Variants in SLC5A12 observed in about 807,000 individuals in gnomAD.
The protein encoded by SLC5A12 is solute carrier family 5 member 12, also known as sodium-coupled monocarboxylate transporter 2.
In SLC5A12, 46 loss-of-function variants were observed where a neutral mutation model predicts 72.7. That is an observed-to-expected ratio of 0.63 (90% confidence interval 0.50 to 0.81). The LOEUF (loss-of-function observed/expected upper bound fraction) is 0.81. Among genes scored for constraint, SLC5A12 ranks in the 30% least tolerant of loss-of-function variants. The pLI, the probability that SLC5A12 is intolerant of heterozygous loss-of-function variation, is 0.00. For missense variants in SLC5A12, 683 were observed against 740.7 expected (o/e 0.92, Z 0.90); for synonymous variants, 275 against 264.4 (o/e 1.04, Z -0.39).
intron 9 of SLC5A12, among the ~76,000 whole-genome samples, chr11:26,691,146 A>G (rs1029388242): frequency 6.6e-6 from 1 of 152,046 alleles, no homozygotes; most frequent in African/African-American, 2.4e-5. Flanking sequence ...AGCAAAAATA[A>G]TTTTTTACAA....
chr11:26,669,191 C>CTTTTTCTT lies in SLC5A12; in HGVS notation c.*1910_*1911insAAGAAAAA, dbSNP rs10655620. Reference sequence around the variant, plus strand: ...TTTTTCTTTCTTTCTTTCTTCTTTTCTTTCTTTCTTTCTTTCTTTCTTTCT... The same window carrying CTTTTTCTT: ...TTTTTCTTTCTTTCTTTCTTCTTTTCTTTTTCTTTTTCTTTCTTTCTTTCTTTCTTTCT... On this transcript the variant is annotated 3_prime_UTR_variant, in exon 15 of 15. Coordinates refer to ENST00000396005, the MANE Select transcript of SLC5A12 (RefSeq NM_178498.4). 1 of 43,862 alleles carries CTTTTTCTT rather than the reference C, an allele frequency of 2.3e-5. No individual in the cohort carries two copies. The highest frequency in any genetic ancestry group is 1.2e-3 in the South Asian group (1 of 852). 2.7% of individuals were successfully genotyped at this position (43,862 alleles called of 1,614,324 possible).
At chr11:26,687,045 C>T (rs1173634284) in intron 9 of SLC5A12, among the ~76,000 whole-genome samples, 3 of 152,114 alleles carry the variant, frequency 2.0e-5, no homozygotes, top group Non-Finnish European at 4.4e-5. Context: ...TTCCCTTTGG[C>T]GCTTTTTTTT....
rs868770781 is a variant in SLC5A12 at position 26,721,555 on chromosome 11, C to T, written c.160G>A (p.Gly54Ser). 1.1e-5 allele frequency: 18 copies of T among 1,613,972 alleles called. No homozygotes were observed. In the African/African-American group the frequency reaches 1.2e-4, roughly 11 times the overall value. Residue 54 changes from glycine to serine, a missense_variant, in exon 1 of 15, where the codon GGC becomes AGC. Physicochemically the swap from Gly to Ser is moderately conservative, Grantham distance 56 (BLOSUM62 0). Coordinates refer to ENST00000396005, the MANE Select transcript of SLC5A12 (RefSeq NM_178498.4). ...ATGAAGCTGGCTGTCAGAGACAAGC[C>T]GACAGGGCCAAAGCTCATTTGCCTT... ...GGRQMSFGPV[G>S]LSLTASFMSA...
intron 4 of SLC5A12, 96 bp from the exon 5 acceptor site, chr11:26,704,043 GTTT>G: frequency 2.3e-6 from 3 of 1,316,446 alleles, no homozygotes; most frequent in Non-Finnish European, 3.2e-6. Flanking sequence ...GCATTCTTTT[GTTT>G]ATTCAGCATC....
In SLC5A12 at chr11:26,703,450, C is replaced by A. The variant is rs200830755; in HGVS notation, c.821+81G>T. On this transcript the variant is annotated intron_variant, in intron 6 of 14. Coordinates refer to ENST00000396005, the MANE Select transcript of SLC5A12 (RefSeq NM_178498.4). ...TACACACACACACACACACACACCC[C>A]CCAAGAGGAAGTATTAATATATAAT... 6.8e-4 allele frequency: 702 copies of A among 1,026,884 alleles called. 1 individual carries two copies. Among genetic ancestry groups the A allele is most frequent in the Non-Finnish European group, 8.3e-4 (589 of 705,998 alleles). The allele number at this position is 1,026,884 out of a possible 1,614,324, so 63.6% of individuals were successfully genotyped here.
chr11:26,676,196 T>G, intron 13 of SLC5A12, among the ~76,000 whole-genome samples: 1 of 152,144 alleles, frequency 6.6e-6, no homozygotes, highest in East Asian at 1.9e-4. Context: ...TGAGATTAAT[T>G]ATCTAATACA....
chr11:26,711,185 T>C (rs1855218405), intron 3 of SLC5A12, 122 bp downstream of exon 3: 1 of 754,828 alleles, frequency 1.3e-6, no homozygotes, highest in South Asian at 1.6e-5. Flanking sequence ...CTTCTAATAG[T>C]AATTCAGAAT....
Position 26,692,598 on chromosome 11 carries a change from G to C in SLC5A12, c.1044C>G (p.Thr348=), listed in dbSNP as rs775946621. 8 of 1,610,102 alleles carry C rather than the reference G, an allele frequency of 5.0e-6. No individual in the cohort carries two copies. Among genetic ancestry groups the C allele is most frequent in the African/African-American group, 1.3e-5 (1 of 74,794 alleles). Reference sequence around the variant, plus strand: ...CCAAGGCATTGATGCTGGAAGCCACGGTGCTATAAGGAAAGAAAAGTGAGA... The same window carrying C: ...CCAAGGCATTGATGCTGGAAGCCACCGTGCTATAAGGAAAGAAAAGTGAGA... ...VACAFSGTLS[T]VASSINALAT... Residue 348 remains threonine, a synonymous_variant, in exon 9 of 15, where the codon ACC becomes ACG. Transcript: ENST00000396005.
chr11:26,723,292 T>C (rs1855512895), upstream of SLC5A12: 1 of 151,514 alleles, frequency 6.6e-6, no homozygotes, highest in Non-Finnish European at 1.5e-5. Context: ...ATAGCTAAAG[T>C]ATGCTTTTAG....
chr11:26,709,196 T>A (rs1855161970), intron 4 of SLC5A12, 116 bp downstream of exon 4: 1 of 675,380 alleles, frequency 1.5e-6, no homozygotes, highest in African/African-American at 1.8e-5. Context: ...CCGACATACT[T>A]CTGCTTAATT....
At chr11:26,690,646 T>TAAAAAAAAAA (rs747754564) in intron 9 of SLC5A12, among the ~76,000 whole-genome samples, 1 of 92,732 alleles carries the variant, frequency 1.1e-5, no homozygotes, top group African/African-American at 4.1e-5. Flanking sequence ...CCACCTCTAC[T>TAAAAAAAAAA]AAAAAAAAAA....
At chr11:26,674,146 T>C (rs566520858) in intron 13 of SLC5A12, among the ~76,000 whole-genome samples, 1 of 150,228 alleles carries the variant, frequency 6.7e-6, no homozygotes, top group Non-Finnish European at 1.5e-5. Context: ...CAAACCAAGA[T>C]GTAAAGGCCA....
chr11:26,686,014 T>C (rs531599693), intron 10 of SLC5A12, among the ~76,000 whole-genome samples: 9 of 152,200 alleles, frequency 5.9e-5, no homozygotes, highest in Admixed American at 5.9e-4. Flanking sequence ...TCTGGAAAAT[T>C]AGTGCATTAA....
chr11:26,680,921 G>T, intron 12 of SLC5A12, 134 bp downstream of exon 12: 1 of 797,942 alleles, frequency 1.3e-6, no homozygotes, highest in Non-Finnish European at 1.8e-6. Flanking sequence ...ACTCTTCAGT[G>T]CTGGGTACTT....
At chr11:26,682,683 C>G (rs1013284844) in intron 11 of SLC5A12, among the ~76,000 whole-genome samples, 2 of 151,338 alleles carry the variant, frequency 1.3e-5, no homozygotes, top group Non-Finnish European at 2.9e-5. Context: ...GTTTTCCTGA[C>G]CAAATAGAAA....
At chr11:26,689,270 C>A (rs773523371) in intron 9 of SLC5A12, among the ~76,000 whole-genome samples, 15 of 151,928 alleles carry the variant, frequency 9.9e-5, no homozygotes, top group Admixed American at 3.3e-4. Context: ...TCGTGGCATG[C>A]GCCTGTAGTC....
intron 1 of SLC5A12, among the ~76,000 whole-genome samples, chr11:26,718,768 C>G (rs573717811): frequency 3.6e-4 from 54 of 151,890 alleles, no homozygotes; most frequent in Admixed American, 3.1e-3. Context: ...GGATTACAGA[C>G]GTGAGCCACC....
chr11:26,712,473 T>C (rs1039868387), intron 2 of SLC5A12, among the ~76,000 whole-genome samples, 168 bp downstream of exon 2: 2 of 152,054 alleles, frequency 1.3e-5, no homozygotes, highest in Admixed American at 1.3e-4. Context: ...GCTTGCAATA[T>C]ACATTTGTTT....
At chr11:26,722,668 C>T (rs948556161), upstream of SLC5A12, among the ~76,000 whole-genome samples, 1 of 151,928 alleles carries the variant, frequency 6.6e-6, no homozygotes, top group South Asian at 2.1e-4. Context: ...ATCACTGTAC[C>T]CACAGGCTAA....
Sources: gnomAD v4.1 joint callset for allele counts (sites outside exome capture counted in the v4.1 genomes callset) on GRCh38, gnomAD v4.1.1 for gene constraint, MANE v1.5 for transcripts, NCBI Gene and HGNC (gene_info 2026-07-23, HGNC 2026-07-21) for gene names.